Variants in STPG4 observed in about 807,000 individuals in gnomAD.
STPG4 encodes sperm-tail PG-rich repeat containing 4, also known as protein STPG4.
STPG4 carries 41 observed loss-of-function variants against 31.5 expected under a neutral mutation model. The observed-to-expected ratio is 1.30, with a 90% CI of 1.01 to 1.69. The LOEUF (loss-of-function observed/expected upper bound fraction) is 1.69. Among genes scored for constraint, STPG4 ranks in the 40% most tolerant of loss-of-function variants. The pLI, the probability that STPG4 is intolerant of heterozygous loss-of-function variation, is 0.00. For missense variants in STPG4, 375 were observed against 293.4 expected, an observed-to-expected ratio of 1.28 and a Z score of -2.03; for synonymous variants, 141 against 103.0, an observed-to-expected ratio of 1.37 and a Z score of -2.24.
intron 1 of STPG4, 79 bp downstream of exon 1, chr2:47,155,092 A>AT: frequency 7.2e-7 from 1 of 1,385,280 alleles, no homozygotes; most frequent in South Asian, 1.2e-5. Context: ...AAGGCCTGGG[A>AT]TTAGAGAGCG....
intron 5 of STPG4, among the ~76,000 whole-genome samples, chr2:47,116,910 G>C (rs1051561081): frequency 5.9e-5 from 9 of 152,188 alleles, no homozygotes; most frequent in African/African-American, 2.2e-4. Flanking sequence ...CAGTGAGTGA[G>C]AAAGATATAA....
At chr2:47,141,489 C>T (rs1202360452) in intron 3 of STPG4, among the ~76,000 whole-genome samples, 2 of 151,862 alleles carry the variant, frequency 1.3e-5, no homozygotes, top group African/African-American at 4.8e-5. Context: ...TTGTTTGCCA[C>T]ACTCTTGACA....
intron 5 of STPG4, among the ~76,000 whole-genome samples, chr2:47,112,589 C>T (rs763760414): frequency 7.2e-5 from 11 of 152,100 alleles, no homozygotes; most frequent in Non-Finnish European, 1.3e-4. Context: ...GCCTCATTCT[C>T]AAAAGTATTT....
At position 47,129,781 on chromosome 2, in the gene STPG4, G is replaced by C. The variant is rs1686436321; in HGVS notation, c.519+160C>G. Reference sequence around the variant, plus strand: ...CCACACTTGCTTTTTGGTTCTTACAGAGGTGTTTTCTTGTGTGGATAATTG... The same window carrying C: ...CCACACTTGCTTTTTGGTTCTTACACAGGTGTTTTCTTGTGTGGATAATTG... On this transcript the variant is annotated intron_variant, in intron 5 of 6. Transcript: ENST00000445927. 3.6e-6 allele frequency: 3 copies of C among 836,998 alleles called. No homozygotes were observed. In the South Asian group the frequency reaches 6.2e-5, roughly 17 times the overall value. 51.8% of individuals were successfully genotyped at this position (836,998 alleles called of 1,614,324 possible).
At chr2:47,090,147 C>G in intron 6 of STPG4, 123 bp downstream of exon 6, 2 of 662,832 alleles carry the variant, frequency 3.0e-6, no homozygotes, top group Non-Finnish European at 5.4e-6. Flanking sequence ...CAGAACTGTA[C>G]ACACATGATC....
At chr2:47,122,729 C>T (rs556852760) in intron 5 of STPG4, among the ~76,000 whole-genome samples, 6 of 151,948 alleles carry the variant, frequency 3.9e-5, no homozygotes, top group South Asian at 4.1e-4. Flanking sequence ...TTTTTTGATC[C>T]TGAGTTTGTA....
intron 5 of STPG4, among the ~76,000 whole-genome samples, chr2:47,104,203 C>G (rs1420368158): frequency 6.6e-6 from 1 of 151,904 alleles, no homozygotes; most frequent in Non-Finnish European, 1.5e-5. Context: ...AAATGCCCAC[C>G]CAGTCCAAAT....
chr2:47,149,250 G>C (rs1686890684), intron 3 of STPG4, among the ~76,000 whole-genome samples: 1 of 152,204 alleles, frequency 6.6e-6, no homozygotes, highest in Non-Finnish European at 1.5e-5. Flanking sequence ...TTCCGAGTAA[G>C]CCTAATTCTT....
chr2:47,100,620 C>A (rs1192179570), intron 5 of STPG4, among the ~76,000 whole-genome samples: 1 of 151,386 alleles, frequency 6.6e-6, no homozygotes, highest in Non-Finnish European at 1.5e-5. Flanking sequence ...TCGCTCTTTG[C>A]AATAAATCTT....
At position 47,110,565 on chromosome 2, in the gene STPG4, G is replaced by C. The variant is rs546297864; in HGVS notation, c.519+19376C>G. Among the ~76,000 whole-genome samples, 30 of 152,320 alleles carry C rather than the reference G, an allele frequency of 2.0e-4. No homozygotes were observed. The East Asian group carries it at 2.7e-3, about 14-fold the overall frequency. ...GCCAAGATGGCACCACTGCACTCCA[G>C]CCTGGGCGACACTGCAAGACTCCAT... On this transcript the variant is annotated intron_variant, in intron 5 of 6. Transcript: ENST00000445927.
intron 6 of STPG4, among the ~76,000 whole-genome samples, chr2:47,088,222 G>A (rs1483238863): frequency 6.6e-6 from 1 of 152,116 alleles, no homozygotes; most frequent in Non-Finnish European, 1.5e-5. Context: ...TGGGATTACA[G>A]GGGTGCACCA....
intron 3 of STPG4, among the ~76,000 whole-genome samples, chr2:47,140,457 G>A (rs1686679540): frequency 6.6e-6 from 1 of 152,172 alleles, no homozygotes. Flanking sequence ...TTAACTCTCA[G>A]ATTTGCCAAC....
chr2:47,088,426 G>T (rs1685503411), intron 6 of STPG4, among the ~76,000 whole-genome samples: 1 of 152,164 alleles, frequency 6.6e-6, no homozygotes, highest in African/African-American at 2.4e-5. Context: ...AAGATCAAGG[G>T]TTTTAGAGTC....
At chr2:47,108,073 G>A (rs1017690744) in intron 5 of STPG4, among the ~76,000 whole-genome samples, 1 of 151,370 alleles carries the variant, frequency 6.6e-6, no homozygotes, top group Non-Finnish European at 1.5e-5. Context: ...ACTCTGGTGG[G>A]GCCTTGGAGA....
At chr2:47,119,692 G>T (rs1686227828) in intron 5 of STPG4, among the ~76,000 whole-genome samples, 1 of 152,150 alleles carries the variant, frequency 6.6e-6, no homozygotes, top group Non-Finnish European at 1.5e-5. Flanking sequence ...TTGTAGAACA[G>T]ACTAGGGGCT....
At chr2:47,149,441 C>T (rs1686894682) in intron 3 of STPG4, among the ~76,000 whole-genome samples, 1 of 152,188 alleles carries the variant, frequency 6.6e-6, no homozygotes, top group Admixed American at 6.5e-5. Context: ...CAATTTCACA[C>T]ATAGCCTGGT....
chr2:47,150,518 A>T (rs889782238), intron 3 of STPG4, among the ~76,000 whole-genome samples: 3 of 151,394 alleles, frequency 2.0e-5, no homozygotes, highest in Admixed American at 1.3e-4. Context: ...TTTTTTAATT[A>T]AAAAAAATAT....
intron 5 of STPG4, among the ~76,000 whole-genome samples, chr2:47,118,073 A>G (rs1172011758): frequency 6.6e-6 from 1 of 151,998 alleles, no homozygotes; most frequent in Non-Finnish European, 1.5e-5. Context: ...ACAGCACAAT[A>G]TTGACTACTT....
chr2:47,109,283 G>T (rs1043165499), intron 5 of STPG4, among the ~76,000 whole-genome samples: 1 of 152,222 alleles, frequency 6.6e-6, no homozygotes, highest in Non-Finnish European at 1.5e-5. Context: ...CAGGCCAGGC[G>T]CAGTGGCTTA....
Sources: allele counts gnomAD v4.1 joint callset (sites outside exome capture counted in the v4.1 genomes callset), GRCh38; gene constraint gnomAD v4.1.1; transcripts MANE v1.5; gene names NCBI Gene and HGNC (gene_info 2026-07-23, HGNC 2026-07-21).